SS18: variants seen among roughly 807,000 people sequenced by gnomAD.
The protein encoded by SS18 is protein SSXT.
Under a neutral mutation model 72.5 loss-of-function variants are expected in SS18, and 28 were observed. The observed-to-expected ratio is 0.39, with a 90% CI of 0.29 to 0.53. The LOEUF is 0.53. Among genes scored for constraint, SS18 ranks in the 20% least tolerant of loss-of-function variants. The pLI, the probability that SS18 is intolerant of heterozygous loss-of-function variation, is 0.76. For missense variants in SS18, 518 were observed against 535.3 expected (o/e 0.97, Z 0.32); for synonymous variants, 172 against 164.2 (o/e 1.05, Z -0.37).
In SS18 at chr18:26,082,468, T is replaced by G. The variant is rs563716610; in HGVS notation, c.147-4308A>C. 4 of 984,218 alleles carry G rather than the reference T, an allele frequency of 4.1e-6. No individual in the cohort carries two copies. The Admixed American group carries it at 1.8e-4, about 45-fold the overall frequency. The allele number at this position is 984,218 out of a possible 1,614,324, so 61.0% of individuals were successfully genotyped here. ...AACTCTTTTAAATTACGATGAATGA[T>G]CGACACTAATTTTTTTTGTTGTTTG... is the stretch of plus-strand genomic sequence containing the variant. On this transcript the variant is annotated intron_variant, in intron 2 of 10. Transcript: ENST00000415083.
intron 9 of SS18, among the ~76,000 whole-genome samples, chr18:26,034,677 T>A (rs2053598163): frequency 6.6e-6 from 1 of 152,064 alleles, no homozygotes; most frequent in East Asian, 1.9e-4. Flanking sequence ...TATATACATA[T>A]GGTCAATAAT....
intron 5 of SS18, among the ~76,000 whole-genome samples, chr18:26,045,677 T>C (rs1160752932): frequency 1.3e-5 from 2 of 152,126 alleles, no homozygotes; most frequent in Non-Finnish European, 2.9e-5. Context: ...AACCTTATAG[T>C]GTTCACTTTG....
intron 3 of SS18, among the ~76,000 whole-genome samples, chr18:26,066,123 T>C (rs184573153): frequency 1.3e-3 from 200 of 152,186 alleles, no homozygotes; most frequent in South Asian, 4.4e-3. Flanking sequence ...ACTACGGCTG[T>C]AATTTCAAAT....
At chr18:26,066,449 T>C (rs138987414) in intron 3 of SS18, among the ~76,000 whole-genome samples, 150 of 152,268 alleles carry the variant, frequency 9.9e-4, no homozygotes, top group African/African-American at 3.4e-3. Flanking sequence ...CAAGCCGCCT[T>C]ATCCGTAGTT....
At chr18:26,057,557 T>G in intron 4 of SS18, 32 bp downstream of exon 4, 1 of 1,612,392 alleles carries the variant, frequency 6.2e-7, no homozygotes, top group Non-Finnish European at 8.5e-7. Flanking sequence ...TAAGCAACTC[T>G]GGTGTTAATG....
chr18:26,045,111 T>G (rs191746587), intron 5 of SS18, among the ~76,000 whole-genome samples: 28 of 152,340 alleles, frequency 1.8e-4, no homozygotes, highest in Admixed American at 1.4e-3. Flanking sequence ...GCCACGATCA[T>G]CTCTTAAATA....
chr18:26,038,527 T>C lies in SS18; in HGVS notation c.880+28A>G, dbSNP rs780607182. 16 of 1,577,506 alleles carry C rather than the reference T, an allele frequency of 1.0e-5. No individual in the cohort carries two copies. The East Asian group carries it at 1.8e-4, about 18-fold the overall frequency. ...ATTAATATTAGGCAGGGATAGAAAA[T>C]GGGAAAGTTAACATCAGGAGAGATT... On this transcript the variant is annotated intron_variant, in intron 7 of 10. Transcript: ENST00000415083.
At chr18:26,058,869 C>T (rs924655061) in intron 3 of SS18, among the ~76,000 whole-genome samples, 8 of 152,066 alleles carry the variant, frequency 5.3e-5, no homozygotes, top group Admixed American at 2.6e-4. Flanking sequence ...ACTTAAAAAC[C>T]TTGTTCAGTT....
chr18:26,086,076 T>TAC (rs1164258540), intron 2 of SS18: 1 of 152,148 alleles, frequency 6.6e-6, no homozygotes, highest in Admixed American at 6.5e-5. Context: ...ACTGAACATG[T>TAC]AGGCTTTTTT....
In SS18 at chr18:26,025,487, C is replaced by A. The variant is rs1283162748; in HGVS notation, c.1230+6912G>T. Among the ~76,000 whole-genome samples the A allele has an allele frequency of 2.0e-5, 3 of 151,618 alleles. No homozygotes were observed. The East Asian group carries it at 5.8e-4, about 29-fold the overall frequency. ...TTAAAACTAGCCAGATAAATGAGGA[C>A]AAAGAGAGAAGACACAAATTATTAA... On this transcript the variant is annotated intron_variant, in intron 10 of 10. Coordinates refer to ENST00000415083, the MANE Select transcript of SS18 (RefSeq NM_001007559.3).
intron 10 of SS18, among the ~76,000 whole-genome samples, chr18:26,021,672 T>C (rs2053353060): frequency 6.6e-6 from 1 of 152,142 alleles, no homozygotes; most frequent in South Asian, 2.1e-4. Context: ...AATGAATGGG[T>C]TCAAAAGCTT....
intron 2 of SS18, among the ~76,000 whole-genome samples, chr18:26,084,624 T>C (rs2054585265): frequency 6.6e-6 from 1 of 152,166 alleles, no homozygotes; most frequent in Non-Finnish European, 1.5e-5. Flanking sequence ...GAGGATGCAC[T>C]GTGAAGGACA....
intron 5 of SS18, among the ~76,000 whole-genome samples, chr18:26,046,421 A>T (rs769243832): frequency 6.6e-6 from 1 of 152,030 alleles, no homozygotes; most frequent in Non-Finnish European, 1.5e-5. Context: ...TATCCTTTAC[A>T]CTTTCAAAGT....
At chr18:26,030,445 G>A (rs566367712) in intron 10 of SS18, among the ~76,000 whole-genome samples, 2 of 152,210 alleles carry the variant, frequency 1.3e-5, no homozygotes, top group South Asian at 4.1e-4. Flanking sequence ...TTATCACACT[G>A]TATCATATCA....
intron 3 of SS18, among the ~76,000 whole-genome samples, chr18:26,076,348 C>T (rs2054412095): frequency 6.6e-6 from 1 of 150,386 alleles, no homozygotes; most frequent in Admixed American, 6.6e-5. Context: ...ACGATATAAA[C>T]AGATCAGACA....
In SS18 at chr18:26,017,229, T is replaced by C. The variant is rs531170675; in HGVS notation, c.*1125A>G. 2 of 199,376 alleles carry C rather than the reference T, an allele frequency of 1.0e-5. No individual in the cohort carries two copies. Among genetic ancestry groups the C allele is most frequent in the Admixed American group, 1.2e-4 (2 of 16,590 alleles). 12.4% of individuals were successfully genotyped at this position (199,376 alleles called of 1,614,324 possible). A position where few individuals can be genotyped will look rare whatever the true frequency, so the allele number is the denominator to read the frequency against. ...CCTCATCAATAAGCATTTTCCTAAA[T>C]ATCTCTTTGTGTTATATCAACCAAC... On this transcript the variant is annotated 3_prime_UTR_variant, in exon 11 of 11. Transcript: ENST00000415083.
At chr18:26,065,099 C>A (rs1416441127) in intron 3 of SS18, among the ~76,000 whole-genome samples, 2 of 152,072 alleles carry the variant, frequency 1.3e-5, no homozygotes, top group African/African-American at 4.8e-5. Context: ...GAAGGATATG[C>A]CATCTTTGTT....
intron 3 of SS18, among the ~76,000 whole-genome samples, chr18:26,077,500 T>C (rs2054437738): frequency 6.6e-6 from 1 of 152,128 alleles, no homozygotes; most frequent in Non-Finnish European, 1.5e-5. Flanking sequence ...TAAAAGAGAC[T>C]AAGACACATA....
chr18:26,085,209 C>T (rs1011908203), intron 2 of SS18, among the ~76,000 whole-genome samples: 12 of 151,962 alleles, frequency 7.9e-5, no homozygotes, highest in African/African-American at 2.2e-4. Context: ...TTCTTGTTGG[C>T]GGCGTTAAGT....
Sources: allele counts gnomAD v4.1 joint callset (sites outside exome capture counted in the v4.1 genomes callset), GRCh38; gene constraint gnomAD v4.1.1; transcripts MANE v1.5; gene names NCBI Gene and HGNC (gene_info 2026-07-23, HGNC 2026-07-21).